The following TREML4 variants were observed in gnomAD, a reference collection of about 807,000 sequenced individuals.
TREML4 encodes trem-like transcript 4 protein.
In TREML4, 25 loss-of-function variants were observed where a neutral mutation model predicts 25.4. The observed-to-expected ratio is 0.98, with a 90% CI of 0.72 to 1.37. The LOEUF (loss-of-function observed/expected upper bound fraction) is 1.37, where lower values mean the gene tolerates loss of function less well. TREML4 is among the 40% of genes most tolerant of loss of function. TREML4 has a pLI of 0.00. For missense variants in TREML4, 268 were observed against 236.5 expected, an observed-to-expected ratio of 1.13 and a Z score of -0.87; for synonymous variants, 92 against 87.9, an observed-to-expected ratio of 1.05 and a Z score of -0.26.
At chr6:41,232,290 C>G (rs1189740348) in intron 4 of TREML4, 1 of 312,844 alleles carries the variant, frequency 3.2e-6, no homozygotes, top group Non-Finnish European at 6.8e-6. Context: ...ACCCTGGAGA[C>G]GCTGCTAGAA....
chr6:41,233,492 G>T (rs961273932), intron 4 of TREML4, among the ~76,000 whole-genome samples: 1 of 152,072 alleles, frequency 6.6e-6, no homozygotes, highest in Non-Finnish European at 1.5e-5. Context: ...TATAACATTT[G>T]TTTATAAAAA....
chr6:41,237,370 C>T lies in TREML4; in HGVS notation c.*351C>T. 1.3e-5 allele frequency: 2 copies of T among 158,116 alleles called. No individual in the cohort carries two copies. The highest frequency in any genetic ancestry group is 1.4e-5 in the Non-Finnish European group (1 of 71,802). 9.8% of individuals were successfully genotyped at this position (158,116 alleles called of 1,614,324 possible). A position where few individuals can be genotyped will look rare whatever the true frequency, so the allele number is the denominator to read the frequency against. On this transcript the variant is annotated 3_prime_UTR_variant, in exon 6 of 6. Coordinates refer to ENST00000341495, the MANE Select transcript of TREML4 (RefSeq NM_198153.3). ...GGGGGTTTCTGCATCCGGGTCAATG[C>T]CCAGCTCAGCATCTTCAGCTGTGCC... is the stretch of plus-strand genomic sequence containing the variant.
chr6:41,231,216 A>G (rs1276418208), intron 4 of TREML4: 1 of 255,764 alleles, frequency 3.9e-6, no homozygotes, highest in South Asian at 3.6e-5. Flanking sequence ...ATGTGCTTTA[A>G]TCATCCTGAA....
chr6:41,236,537 C>T lies in TREML4; in HGVS notation c.558C>T (p.Val186=), dbSNP rs775547345. 1.9e-6 allele frequency: 3 copies of T among 1,614,130 alleles called. No homozygotes were observed. In the South Asian group the frequency reaches 3.3e-5, roughly 18 times the overall value. ...GCTCAGGTGGCCCCAGATTCCTGGT[C>T]TTGGTGCTATGTGGACTCCTCCTGG... The part of the protein sequence containing the change: ...CLGSGGPRFL[V]LVLCGLLLAK... The change falls in exon 5 of 6, where the codon GTC becomes GTT. Residue 186 remains valine (V), a synonymous_variant. Coordinates refer to ENST00000341495, the MANE Select transcript of TREML4 (RefSeq NM_198153.3).
chr6:41,232,772 T>A (rs531160831), intron 4 of TREML4, among the ~76,000 whole-genome samples: 1 of 152,286 alleles, frequency 6.6e-6, no homozygotes, highest in South Asian at 2.1e-4. Flanking sequence ...ATAATAGGGT[T>A]CATGCTACTA....
At chr6:41,232,176 A>C (rs1434194234) in intron 4 of TREML4, among the ~76,000 whole-genome samples, 2 of 152,212 alleles carry the variant, frequency 1.3e-5, no homozygotes, top group Non-Finnish European at 2.9e-5. Context: ...CCAATGTGAA[A>C]TCATAAAACC....
intron 4 of TREML4, among the ~76,000 whole-genome samples, chr6:41,234,455 A>T (rs749982874): frequency 6.6e-6 from 1 of 151,996 alleles, no homozygotes; most frequent in Non-Finnish European, 1.5e-5. Context: ...AAAGGAGATC[A>T]AAGAAATTCA....
Position 41,236,562 on chromosome 6 carries a change from G to A in TREML4, c.583G>A (p.Ala195Thr). The A allele has an allele frequency of 6.2e-7, 1 of 1,614,020 alleles. No homozygotes were observed. Among genetic ancestry groups the A allele is most frequent in the Non-Finnish European group, 8.5e-7 (1 of 1,179,914 alleles). Residue 195 changes from alanine to threonine, a missense_variant, in exon 5 of 6, where the codon GCC becomes ACC. Ala to Thr is a moderately conservative substitution (Grantham distance 58). Transcript: ENST00000341495. The stretch of plus-strand genomic sequence containing the variant: ...CTTGGTGCTATGTGGACTCCTCCTG[G>A]CCAAGGGCCTGATGTTGTGAGTCCT... ...LVLVLCGLLL[A>T]KGLML
chr6:41,233,713 G>T (rs915160386), intron 4 of TREML4, among the ~76,000 whole-genome samples: 4 of 151,640 alleles, frequency 2.6e-5, no homozygotes, highest in Non-Finnish European at 4.4e-5. Context: ...CTAAATAGAG[G>T]GGTTTAAGTT....
Position 41,229,589 on chromosome 6 carries a change from G to C in TREML4, c.445+18G>C. 1 of 1,613,582 alleles carries C rather than the reference G, an allele frequency of 6.2e-7. No homozygotes were observed. The highest frequency in any genetic ancestry group is 8.5e-7 in the Non-Finnish European group (1 of 1,179,714). On this transcript the variant is annotated intron_variant, in intron 3 of 5. Transcript: ENST00000341495. ...AAGCACAGGTAGGTTGGAGGCCTCG[G>C]TGGGGGAAGATTAGAAGGGTCACCA...
rs1387174643 is a variant in TREML4 at position 41,228,650 on chromosome 6, T to TG, written c.64-59dup. 9.8e-6 allele frequency: 15 copies of TG among 1,534,878 alleles called. No individual in the cohort carries two copies. In the African/African-American group the frequency reaches 1.9e-4, roughly 20 times the overall value. On this transcript the variant is annotated intron_variant, in intron 1 of 5. Coordinates refer to ENST00000341495, the MANE Select transcript of TREML4 (RefSeq NM_198153.3). ...CCCCCTCCCCTTCCCCAGCCTGTGA[T>TG]GGGGGAGGTTGGGTCCCTTCAGAGC...
intron 4 of TREML4, among the ~76,000 whole-genome samples, chr6:41,230,814 G>A (rs1026373842): frequency 6.6e-6 from 1 of 152,160 alleles, no homozygotes; most frequent in African/African-American, 2.4e-5. Context: ...TTGTGCTCTA[G>A]GGCAGTGATC....
chr6:41,228,667 C>A, intron 1 of TREML4, 47 bp from the exon 2 acceptor site: 1 of 1,579,218 alleles, frequency 6.3e-7, no homozygotes, highest in Non-Finnish European at 8.6e-7. Context: ...GGTTGGGTCC[C>A]TTCAGAGCTC....
At position 41,228,947 on chromosome 6, in the gene TREML4, GAC is replaced by G. The variant is rs1766733224; in HGVS notation, c.301_302del (p.Gln101GlufsTer2). On this transcript the variant is annotated frameshift_variant, in exon 2 of 6. Transcript: ENST00000341495. LOFTEE classifies it high-confidence loss of function. ...TCTTCAACATCACCATGATTCAGCT[GAC>G]ACAGAATGACTCGGGATTCTACTGG... is the stretch of plus-strand genomic sequence containing the variant. The part of the protein sequence containing the change: ...GFFNITMIQL[T>X]QNDSGFYWCG... 2.5e-6 allele frequency: 4 copies of G among 1,614,062 alleles called. No individual in the cohort carries two copies. In the East Asian group the frequency reaches 6.7e-5, roughly 27 times the overall value.
At chr6:41,229,974 C>G in intron 3 of TREML4, 88 bp from the exon 4 acceptor site, 1 of 1,146,248 alleles carries the variant, frequency 8.7e-7, no homozygotes, top group Non-Finnish European at 1.3e-6. Context: ...TCTGGCCCCT[C>G]TCCCCTTCCT....
At position 41,236,486 on chromosome 6, in the gene TREML4, G is replaced by T; in HGVS notation, c.507G>T (p.Arg169Ser). Residue 169 changes from arginine to serine, a missense_variant and splice_region_variant, in exon 5 of 6, where the codon AGG becomes AGT. Physicochemically the swap from Arg to Ser is moderately radical, Grantham distance 110. Transcript: ENST00000341495. ...GHPSINGSETRKSRAPACLGS... is the reference protein window; with the variant it reads ...GHPSINGSETSKSRAPACLGS... ...CCTCCTTTCTCCTTCTTCCCTGCAG[G>T]AAATCAAGAGCCCCTGCCTGCCTTG... 6.2e-7 allele frequency: 1 copy of T among 1,613,984 alleles called. No individual in the cohort carries two copies.
intron 4 of TREML4, chr6:41,232,379 C>G (rs1766817093): frequency 2.4e-6 from 1 of 413,544 alleles, no homozygotes; most frequent in Non-Finnish European, 5.0e-6. Context: ...CAGCTAAGAG[C>G]AAAATGAAGA....
chr6:41,232,309 G>A, intron 4 of TREML4: 2 of 381,976 alleles, frequency 5.2e-6, no homozygotes, highest in Non-Finnish European at 1.1e-5. Flanking sequence ...AAGTGAGGGA[G>A]TAAGTGTGCC....
intron 4 of TREML4, among the ~76,000 whole-genome samples, chr6:41,231,472 C>T (rs914371996): frequency 1.3e-5 from 2 of 152,060 alleles, no homozygotes; most frequent in Non-Finnish European, 2.9e-5. Flanking sequence ...AGAATGGAAA[C>T]ACACCCAACA....
Sources: allele counts gnomAD v4.1 joint callset (sites outside exome capture counted in the v4.1 genomes callset), GRCh38; gene constraint gnomAD v4.1.1; transcripts MANE v1.5; gene names NCBI Gene and HGNC (gene_info 2026-07-23, HGNC 2026-07-21).